The following MKLN1 variants were observed in gnomAD, a reference collection of about 807,000 sequenced individuals.
The protein encoded by MKLN1 is muskelin.
A neutral mutation model predicts 99.0 loss-of-function variants in MKLN1; 18 were observed. The observed-to-expected ratio is 0.18, with a 90% CI of 0.13 to 0.27. The LOEUF is 0.27. Among genes scored for constraint, MKLN1 ranks in the 10% least tolerant of loss-of-function variants. The pLI is 1.00. For missense variants in MKLN1, 621 were observed against 875.9 expected (o/e 0.71, Z 3.67); for synonymous variants, 288 against 293.2 (o/e 0.98, Z 0.18).
intron 7 of MKLN1, among the ~76,000 whole-genome samples, chr7:131,412,363 C>A (rs1171716921): frequency 6.6e-6 from 1 of 152,084 alleles, no homozygotes; most frequent in Admixed American, 6.6e-5. Context: ...TTTGCTAAAC[C>A]TAGCAAGGCA....
intron 1 of MKLN1, among the ~76,000 whole-genome samples, chr7:131,353,019 T>C (rs1250283178): frequency 2.6e-5 from 4 of 152,194 alleles, no homozygotes; most frequent in East Asian, 3.8e-4. Flanking sequence ...CATTCAGCAG[T>C]TGATGAACAT....
intron 14 of MKLN1, among the ~76,000 whole-genome samples, chr7:131,465,683 C>T (rs1229032993): frequency 2.6e-5 from 4 of 152,016 alleles, no homozygotes; most frequent in African/African-American, 4.8e-5. Context: ...GGACTACAGG[C>T]GCCCGCCACC....
chr7:131,466,923 A>G (rs7782782), intron 15 of MKLN1, among the ~76,000 whole-genome samples: 22,723 of 150,502 alleles, frequency 0.15, 1,966 homozygotes, highest in African/African-American at 0.23. Flanking sequence ...ACACACACAC[A>G]CGCGCGCGCG....
intron 3 of MKLN1, among the ~76,000 whole-genome samples, chr7:131,306,436 C>T (rs1374164283): frequency 1.3e-5 from 2 of 152,110 alleles, no homozygotes; most frequent in African/African-American, 4.8e-5. Context: ...TGGTTTTGAC[C>T]AAAATGCTGA....
At chr7:131,355,342 G>A (rs1451876560) in intron 1 of MKLN1, among the ~76,000 whole-genome samples, 2 of 151,782 alleles carry the variant, frequency 1.3e-5, no homozygotes, top group Non-Finnish European at 2.9e-5. Context: ...TTATTTTTGG[G>A]TCTAATTAAA....
intron 9 of MKLN1, among the ~76,000 whole-genome samples, chr7:131,433,279 G>A (rs1177501709): frequency 6.6e-6 from 1 of 152,050 alleles, no homozygotes; most frequent in African/African-American, 2.4e-5. Flanking sequence ...TCTTAGGATT[G>A]GATTTAGATG....
intron 1 of MKLN1, among the ~76,000 whole-genome samples, chr7:131,365,547 G>T (rs1800154482): frequency 6.6e-6 from 1 of 152,108 alleles, no homozygotes; most frequent in Non-Finnish European, 1.5e-5. Flanking sequence ...TATTGCCTAG[G>T]TTATCTTCCA....
intron 3 of MKLN1, among the ~76,000 whole-genome samples, chr7:131,239,410 C>T (rs1427220249): frequency 6.6e-6 from 1 of 151,802 alleles, no homozygotes; most frequent in Non-Finnish European, 1.5e-5. Context: ...GCCTCAAACT[C>T]CTGGGCTCAA....
intron 2 of MKLN1, among the ~76,000 whole-genome samples, chr7:131,161,950 CGT>C (rs71527988): frequency 0.019 from 1,055 of 55,144 alleles, 18 homozygotes; most frequent in South Asian, 0.037. Context: ...CATATATATA[CGT>C]GTGTGTGTGT....
intron 3 of MKLN1, among the ~76,000 whole-genome samples, chr7:131,222,974 G>A (rs1797083393): frequency 6.6e-6 from 1 of 152,134 alleles, no homozygotes; most frequent in African/African-American, 2.4e-5. Flanking sequence ...CCCCGGAGGT[G>A]GAGGTTGCAG....
intron 1 of MKLN1, among the ~76,000 whole-genome samples, chr7:131,136,755 G>A (rs60465931): frequency 0.14 from 20,985 of 152,054 alleles, 1,693 homozygotes; most frequent in East Asian, 0.3. Context: ...GCTCTTATTT[G>A]TTGGTGTCTT....
intron 17 of MKLN1, chr7:131,478,933 C>G (rs551695500): frequency 1.9e-6 from 1 of 520,022 alleles, no homozygotes; most frequent in South Asian, 2.3e-5. Context: ...GAAACACAGT[C>G]AAAATAAATT....
chr7:131,129,014 T>C (rs1563224600), intron 1 of MKLN1, among the ~76,000 whole-genome samples: 1 of 149,678 alleles, frequency 6.7e-6, no homozygotes, highest in Admixed American at 6.8e-5. Flanking sequence ...AAACAACTCA[T>C]ACACTTACAA....
At chr7:131,251,803 G>A (rs1181157156) in intron 3 of MKLN1, among the ~76,000 whole-genome samples, 9 of 151,952 alleles carry the variant, frequency 5.9e-5, no homozygotes, top group East Asian at 1.9e-4. Flanking sequence ...CCAAGTAGCC[G>A]GGACTACAGG....
rs1208813011 is a variant in MKLN1 at position 131,491,353 on chromosome 7, T to A, written c.*3625T>A. 1 of 152,144 alleles carries A rather than the reference T, an allele frequency of 6.6e-6. No individual in the cohort carries two copies. Among genetic ancestry groups the A allele is most frequent in the Non-Finnish European group, 1.5e-5 (1 of 68,020 alleles). The allele number at this position is 152,144 out of a possible 1,614,324, so 9.4% of individuals were successfully genotyped here. A position where few individuals can be genotyped will look rare whatever the true frequency, so the allele number is the denominator to read the frequency against. On this transcript the variant is annotated 3_prime_UTR_variant, in exon 18 of 18. Transcript: ENST00000352689. The stretch of plus-strand genomic sequence containing the variant: ...TTCCTAAGGTAGCCCCGATCTAGGA[T>A]GTGAAGGCTGCCCAGAAAAAGTTTA...
At chr7:131,141,028 C>A (rs765014809) in intron 1 of MKLN1, among the ~76,000 whole-genome samples, 49 of 152,168 alleles carry the variant, frequency 3.2e-4, no homozygotes, top group Non-Finnish European at 6.3e-4. Flanking sequence ...TCGTGATCCA[C>A]CCACCTTGGC....
At chr7:131,337,381 T>C (rs1383191773) in intron 1 of MKLN1, among the ~76,000 whole-genome samples, 1 of 152,158 alleles carries the variant, frequency 6.6e-6, no homozygotes, top group Non-Finnish European at 1.5e-5. Context: ...TCCTGCTCTC[T>C]TCTGTTATTT....
chr7:131,183,754 T>C (rs1292875226), intron 2 of MKLN1, among the ~76,000 whole-genome samples: 6 of 152,188 alleles, frequency 3.9e-5, no homozygotes, highest in Non-Finnish European at 7.3e-5. Flanking sequence ...GTCTCATGGT[T>C]AATTCTTGAC....
intron 2 of MKLN1, among the ~76,000 whole-genome samples, chr7:131,378,391 C>T (rs995596088): frequency 1.1e-4 from 16 of 152,178 alleles, no homozygotes; most frequent in African/African-American, 1.7e-4. Flanking sequence ...GGCTTACAGG[C>T]GTGAACCATC....
Sources: allele counts gnomAD v4.1 joint callset (sites outside exome capture counted in the v4.1 genomes callset), GRCh38; gene constraint gnomAD v4.1.1; transcripts MANE v1.5; gene names NCBI Gene and HGNC (gene_info 2026-07-23, HGNC 2026-07-21).